Variants in EEFSEC observed in about 807,000 individuals in gnomAD.
EEFSEC encodes eukaryotic elongation factor, selenocysteine-tRNA specific, also known as selenocysteine-specific elongation factor.
Under a neutral mutation model 42.1 loss-of-function variants are expected in EEFSEC, and 43 were observed. The observed-to-expected ratio is 1.02, with a 90% CI of 0.80 to 1.32. The LOEUF (loss-of-function observed/expected upper bound fraction) is 1.32, where lower values mean the gene tolerates loss of function less well. Among genes scored for constraint, EEFSEC ranks in the 40% most tolerant of loss-of-function variants. EEFSEC has a pLI of 0.00. For synonymous variants in EEFSEC, 354 were observed against 339.1 expected, an observed-to-expected ratio of 1.04 and a Z score of -0.48; for missense variants, 745 against 803.6, an observed-to-expected ratio of 0.93 and a Z score of 0.88.
intron 1 of EEFSEC, among the ~76,000 whole-genome samples, chr3:128,204,006 G>A (rs982653280): frequency 2.0e-5 from 3 of 152,374 alleles, no homozygotes; most frequent in Admixed American, 6.5e-5. Flanking sequence ...TCTGTGAAGT[G>A]AGTCCTATTT....
chr3:128,237,002 C>T (rs113363196), intron 1 of EEFSEC, among the ~76,000 whole-genome samples: 1 of 152,220 alleles, frequency 6.6e-6, no homozygotes, highest in Admixed American at 6.5e-5. Context: ...CTCAAGTGTG[C>T]CAGCCACCAA....
chr3:128,205,762 C>G (rs2065690552), intron 1 of EEFSEC, among the ~76,000 whole-genome samples: 1 of 152,158 alleles, frequency 6.6e-6, no homozygotes, highest in African/African-American at 2.4e-5. Context: ...ATCTGGCTTG[C>G]TTTGTGTGAC....
intron 4 of EEFSEC, among the ~76,000 whole-genome samples, chr3:128,332,749 G>A (rs534411408): frequency 2.0e-5 from 3 of 152,322 alleles, no homozygotes; most frequent in African/African-American, 4.8e-5. Context: ...CAGGGGCAGC[G>A]CTGGCAGTCT....
chr3:128,238,690 T>C (rs2066038391), intron 1 of EEFSEC, among the ~76,000 whole-genome samples: 1 of 152,226 alleles, frequency 6.6e-6, no homozygotes, highest in Non-Finnish European at 1.5e-5. Flanking sequence ...GGTTTCATCA[T>C]GTTAGCCCAA....
the EEFSEC span, among the ~76,000 whole-genome samples, chr3:128,421,443 T>G: frequency 6.6e-6 from 1 of 151,794 alleles, no homozygotes; most frequent in African/African-American, 2.4e-5. Flanking sequence ...TCAAGGGGGG[T>G]CCCAAGAACC....
intron 4 of EEFSEC, among the ~76,000 whole-genome samples, chr3:128,321,984 G>C (rs1032754891): frequency 6.6e-6 from 1 of 152,178 alleles, no homozygotes; most frequent in Non-Finnish European, 1.5e-5. Flanking sequence ...GGGCCAGCGT[G>C]GGGGAGCAGC....
chr3:128,321,291 A>G (rs11925022), intron 4 of EEFSEC, among the ~76,000 whole-genome samples: 4,684 of 152,128 alleles, frequency 0.031, 228 homozygotes, highest in African/African-American at 0.1. Context: ...GTGTGTTTTC[A>G]GATTTATAAT....
chr3:128,163,355 G>A (rs1014391983), intron 1 of EEFSEC, among the ~76,000 whole-genome samples: 1 of 151,920 alleles, frequency 6.6e-6, no homozygotes, highest in Non-Finnish European at 1.5e-5. Flanking sequence ...TCCAATGGCT[G>A]GTTTCCATGT....
chr3:128,390,516 G>A (rs2067895867), intron 6 of EEFSEC, among the ~76,000 whole-genome samples: 1 of 152,252 alleles, frequency 6.6e-6, no homozygotes, highest in South Asian at 2.1e-4. Context: ...AACCCAGAAT[G>A]TTAGTTGCTT....
At chr3:128,297,029 G>A (rs1458422628) in intron 4 of EEFSEC, among the ~76,000 whole-genome samples, 1 of 152,194 alleles carries the variant, frequency 6.6e-6, no homozygotes, top group Non-Finnish European at 1.5e-5. Flanking sequence ...AAATAAAGAA[G>A]CATGATATCT....
At chr3:128,195,705 C>A (rs1241980434) in intron 1 of EEFSEC, among the ~76,000 whole-genome samples, 2 of 152,160 alleles carry the variant, frequency 1.3e-5, no homozygotes, top group African/African-American at 4.8e-5. Flanking sequence ...AGTGGCTAAA[C>A]CTTCCTATAT....
At chr3:128,293,660 C>CA (rs759485696) in intron 4 of EEFSEC, among the ~76,000 whole-genome samples, 8 of 14,142 alleles carry the variant, frequency 5.7e-4, no homozygotes, top group South Asian at 3.6e-3. Flanking sequence ...GACTCTATCT[C>CA]AAAAAAAAAA....
chr3:128,250,409 A>G (rs1173649029), intron 2 of EEFSEC, among the ~76,000 whole-genome samples: 1 of 152,056 alleles, frequency 6.6e-6, no homozygotes, highest in Non-Finnish European at 1.5e-5. Flanking sequence ...GTCTTTGATC[A>G]TTTTGAGTTA....
chr3:128,268,691 A>G (rs1330822133), intron 4 of EEFSEC, among the ~76,000 whole-genome samples: 1 of 152,024 alleles, frequency 6.6e-6, no homozygotes, highest in Non-Finnish European at 1.5e-5. Flanking sequence ...TATAAAGACT[A>G]AGGCAGAGAT....
At chr3:128,157,156 C>T (rs1576504019) in intron 1 of EEFSEC, among the ~76,000 whole-genome samples, 1 of 152,226 alleles carries the variant, frequency 6.6e-6, no homozygotes, top group Non-Finnish European at 1.5e-5. Context: ...ACCACATTCC[C>T]TTAAGTGGAA....
chr3:128,209,288 C>G (rs1240869484), intron 1 of EEFSEC, among the ~76,000 whole-genome samples: 1 of 152,188 alleles, frequency 6.6e-6, no homozygotes, highest in Non-Finnish European at 1.5e-5. Context: ...TGAGACTTTT[C>G]TTGGAAACCT....
intron 1 of EEFSEC, among the ~76,000 whole-genome samples, chr3:128,210,355 G>A (rs1041502774): frequency 1.3e-5 from 2 of 152,218 alleles, no homozygotes; most frequent in African/African-American, 4.8e-5. Context: ...TCTGCAGGAA[G>A]TCAGTATGTA....
intron 4 of EEFSEC, among the ~76,000 whole-genome samples, chr3:128,280,363 T>C (rs560947035): frequency 6.6e-6 from 1 of 152,306 alleles, no homozygotes; most frequent in South Asian, 2.1e-4. Flanking sequence ...AAAGAAAAAA[T>C]ATAAAGAACT....
In EEFSEC at chr3:128,390,536, G is replaced by T. The variant is rs1366433671; in HGVS notation, c.1601-17533G>T. Among the ~76,000 whole-genome samples, 3 of 152,256 alleles carry T rather than the reference G, an allele frequency of 2.0e-5. No individual in the cohort carries two copies. In the East Asian group the frequency reaches 5.8e-4, roughly 29 times the overall value. On this transcript the variant is annotated intron_variant, in intron 6 of 6. Coordinates refer to ENST00000254730, the MANE Select transcript of EEFSEC (RefSeq NM_021937.5). ...AGAATGTTAGTTGCTTTGGGCTTCTGTGTCTGAAAGAGAGAGGCCCTTGCT... is the reference window on the plus strand; with the variant it reads ...AGAATGTTAGTTGCTTTGGGCTTCTTTGTCTGAAAGAGAGAGGCCCTTGCT...
Sources: allele counts gnomAD v4.1 joint callset (sites outside exome capture counted in the v4.1 genomes callset), GRCh38; gene constraint gnomAD v4.1.1; transcripts MANE v1.5; gene names NCBI Gene and HGNC (gene_info 2026-07-23, HGNC 2026-07-21).